CEP43: variants seen among roughly 807,000 people sequenced by gnomAD.
CEP43 encodes the protein FGFR1 oncogene partner.
CEP43 carries 36 observed loss-of-function variants against 52.6 expected under a neutral mutation model. That is an observed-to-expected ratio of 0.68 (90% CI 0.52 to 0.90). The LOEUF (loss-of-function observed/expected upper bound fraction) is 0.90, where lower values mean the gene tolerates loss of function less well. CEP43 is among the 40% of genes least tolerant of loss of function. The probability of loss-of-function intolerance (pLI) is 0.00; values close to 1 mark genes in which losing one functional copy is unlikely to be tolerated. For synonymous variants in CEP43, 192 were observed against 172.4 expected, an observed-to-expected ratio of 1.11 and a Z score of -0.89; for missense variants, 506 against 472.8, an observed-to-expected ratio of 1.07 and a Z score of -0.65.
intron 6 of CEP43, 71 bp downstream of exon 6, chr6:167,010,964 GTCTT>G: frequency 1.2e-6 from 1 of 815,832 alleles, no homozygotes; most frequent in Non-Finnish European, 1.9e-6. Flanking sequence ...TCTCTCTCTA[GTCTT>G]TCTTGTTACA....
intron 2 of CEP43, 40 bp from the exon 3 acceptor site, chr6:167,003,153 G>A: frequency 1.6e-5 from 14 of 900,218 alleles, no homozygotes; most frequent in Non-Finnish European, 2.4e-5. Flanking sequence ...GTTGTTTTTA[G>A]GGTAAACACA....
At chr6:167,031,977 C>CTGTG (rs893396924) in intron 10 of CEP43, among the ~76,000 whole-genome samples, 7 of 152,196 alleles carry the variant, frequency 4.6e-5, no homozygotes, top group Non-Finnish European at 8.8e-5. Flanking sequence ...TAAGATCTTA[C>CTGTG]TGTGGACCAA....
intron 6 of CEP43, chr6:167,011,538 T>G (rs1779985073): frequency 6.6e-6 from 1 of 152,226 alleles, no homozygotes; most frequent in Non-Finnish European, 1.5e-5. Flanking sequence ...AAGATGATTG[T>G]CAGGAAATTT....
In CEP43 at chr6:167,007,391, T is replaced by C. The variant is rs1277583875; in HGVS notation, c.438+2990T>C. Among the ~76,000 whole-genome samples the C allele has an allele frequency of 2.0e-5, 3 of 152,184 alleles. No homozygotes were observed. The East Asian group carries it at 5.8e-4, about 29-fold the overall frequency. On this transcript the variant is annotated intron_variant, in intron 5 of 12. Transcript: ENST00000366847. ...ATAGAGCCAGGATAGGAATTCTGTATCCTCAAAAGGTAGTTGTTTTACTCC... is the reference window on the plus strand; with the variant it reads ...ATAGAGCCAGGATAGGAATTCTGTACCCTCAAAAGGTAGTTGTTTTACTCC...
rs1370220739 is a variant in CEP43, at chr6:167,010,829, C to A, written c.455C>A (p.Ser152Tyr). The change falls in exon 6 of 13, where the codon TCT becomes TAT. Residue 152 changes from serine to tyrosine, a missense_variant. Coordinates refer to ENST00000366847, the MANE Select transcript of CEP43 (RefSeq NM_007045.4). ...PTTGEGALDL[S>Y]DVHSPPKSPE... ...ATATTTTAGGGTGCACTTGATCTAT[C>A]TGATGTACATTCTCCACCAAAGTCA... is the stretch of plus-strand genomic sequence containing the variant. 4.4e-6 allele frequency: 7 copies of A among 1,576,044 alleles called. No homozygotes were observed. The African/African-American group carries it at 9.6e-5, about 22-fold the overall frequency.
At chr6:167,037,169 G>C (rs1296640517) in intron 12 of CEP43, among the ~76,000 whole-genome samples, 1 of 152,034 alleles carries the variant, frequency 6.6e-6, no homozygotes, top group Non-Finnish European at 1.5e-5. Context: ...TTTCTTTCTT[G>C]GTAACTACTT....
At chr6:167,037,359 C>G (rs1780604776) in intron 12 of CEP43, among the ~76,000 whole-genome samples, 1 of 88,928 alleles carries the variant, frequency 1.1e-5, no homozygotes, top group Non-Finnish European at 3.6e-5. Flanking sequence ...TAATATAACA[C>G]TCAATTACTT....
At chr6:167,024,071 G>A (rs1351887072) in intron 8 of CEP43, among the ~76,000 whole-genome samples, 2 of 152,160 alleles carry the variant, frequency 1.3e-5, no homozygotes. Context: ...AAGGGAGTGA[G>A]AGGAGAACTG....
chr6:167,003,880 A>T, intron 4 of CEP43, 69 bp downstream of exon 4: 1 of 917,470 alleles, frequency 1.1e-6, no homozygotes, highest in Non-Finnish European at 1.7e-6. Context: ...TTAAGCTGAA[A>T]GTTAATAGAA....
At chr6:167,026,950 T>C (rs1780369443) in intron 10 of CEP43, among the ~76,000 whole-genome samples, 1 of 152,226 alleles carries the variant, frequency 6.6e-6, no homozygotes, top group African/African-American at 2.4e-5. Context: ...TTGTCCAGTC[T>C]TGGCATTCAG....
chr6:167,044,411 G>A lies in CEP43; in HGVS notation c.*4433G>A. Reference sequence around the variant, plus strand: ...AAGAAATCTTTATGTTTAGCAAGAAGACCAAGATGACAAGATGCGCCAGGA... The same window carrying A: ...AAGAAATCTTTATGTTTAGCAAGAAAACCAAGATGACAAGATGCGCCAGGA... On this transcript the variant is annotated 3_prime_UTR_variant, in exon 13 of 13. Coordinates refer to ENST00000366847, the MANE Select transcript of CEP43 (RefSeq NM_007045.4). 1 of 985,386 alleles carries A rather than the reference G, an allele frequency of 1.0e-6. No individual in the cohort carries two copies. The highest frequency in any genetic ancestry group is 1.7e-5 in the African/African-American group (1 of 57,356). The allele number at this position is 985,386 out of a possible 1,614,324, so 61.0% of individuals were successfully genotyped here.
At chr6:167,032,573 A>C in intron 10 of CEP43, 30 bp from the exon 11 acceptor site, 1 of 1,544,540 alleles carries the variant, frequency 6.5e-7, no homozygotes, top group East Asian at 2.3e-5. Context: ...CGCACATTAG[A>C]TATAACATAT....
intron 10 of CEP43, chr6:167,028,334 G>A: frequency 5.1e-6 from 5 of 985,388 alleles, no homozygotes; most frequent in Non-Finnish European, 6.0e-6. Flanking sequence ...CTGGGTACAG[G>A]CAGGAGGGTG....
intron 7 of CEP43, among the ~76,000 whole-genome samples, chr6:167,016,041 G>C (rs753329530): frequency 2.1e-4 from 31 of 150,100 alleles, no homozygotes; most frequent in Non-Finnish European, 4.6e-4. Flanking sequence ...ATTCCATTTC[G>C]TTGTACCAAA....
intron 10 of CEP43, among the ~76,000 whole-genome samples, chr6:167,029,194 C>T (rs1039371341): frequency 5.3e-5 from 8 of 152,196 alleles, no homozygotes; most frequent in African/African-American, 1.9e-4. Context: ...AGAAGGCTGT[C>T]AGGAAGTCCG....
intron 4 of CEP43, 145 bp from the exon 5 acceptor site, chr6:167,004,119 A>AT (rs1294667215): frequency 1.2e-5 from 11 of 913,694 alleles, no homozygotes; most frequent in Non-Finnish European, 1.7e-5. Flanking sequence ...AATAGGCATA[A>AT]TTTTTTAAAA....
At chr6:167,005,347 A>G (rs1239044936) in intron 5 of CEP43, among the ~76,000 whole-genome samples, 5 of 152,254 alleles carry the variant, frequency 3.3e-5, no homozygotes, top group Admixed American at 1.3e-4. Flanking sequence ...TCAAATAAGG[A>G]AATTAACATT....
At chr6:167,029,990 G>A (rs1331313910) in intron 10 of CEP43, among the ~76,000 whole-genome samples, 2 of 152,238 alleles carry the variant, frequency 1.3e-5, no homozygotes, top group African/African-American at 2.4e-5. Flanking sequence ...AAAGTACATT[G>A]ATCAGTTAGG....
chr6:167,017,106 C>T (rs1780119548), intron 7 of CEP43, among the ~76,000 whole-genome samples: 1 of 151,628 alleles, frequency 6.6e-6, no homozygotes. Context: ...CGGGAGGCTC[C>T]TGCCTCAGCC....
Sources: gnomAD v4.1 joint callset for allele counts (sites outside exome capture counted in the v4.1 genomes callset) on GRCh38, gnomAD v4.1.1 for gene constraint, MANE v1.5 for transcripts, NCBI Gene and HGNC (gene_info 2026-07-23, HGNC 2026-07-21) for gene names.